Variants in FIGN observed in about 807,000 individuals in gnomAD.
The protein encoded by FIGN is fidgetin.
In FIGN, 11 loss-of-function variants were observed where a neutral mutation model predicts 51.3. The ratio of observed to expected loss-of-function variants is 0.21; its 90% CI spans 0.13 to 0.35. The LOEUF is 0.35. FIGN is among the 10% of genes least tolerant of loss of function. The probability of loss-of-function intolerance (pLI) is 1.00; values close to 1 mark genes in which losing one functional copy is unlikely to be tolerated. For synonymous variants in FIGN, 407 were observed against 363.2 expected, an observed-to-expected ratio of 1.12 and a Z score of -1.37; for missense variants, 857 against 943.6, an observed-to-expected ratio of 0.91 and a Z score of 1.20.
intron 2 of FIGN, among the ~76,000 whole-genome samples, chr2:163,683,234 G>A (rs1253542514): frequency 1.3e-5 from 2 of 152,034 alleles, no homozygotes; most frequent in Non-Finnish European, 2.9e-5. Flanking sequence ...TCTTCTACTC[G>A]TAAAGTGTTG....
In FIGN at chr2:163,611,021, G is replaced by C; in HGVS notation, c.811C>G (p.Pro271Ala). The change falls in exon 3 of 3, where the codon CCT becomes GCT. Residue 271 changes from proline to alanine, a missense_variant. Transcript: ENST00000333129. ...GYSPGGAPPPPSAYLPSGIPA... is the reference protein window; with the variant it reads ...GYSPGGAPPPASAYLPSGIPA... ...ATTCCTGAAGGCAGGTACGCTGAAG[G>C]CGGAGGCGGTGCCCCCCCAGGGCTG... is the stretch of plus-strand genomic sequence containing the variant. The C allele has an allele frequency of 6.2e-7, 1 of 1,613,872 alleles. No individual in the cohort carries two copies. Among genetic ancestry groups the C allele is most frequent in the Non-Finnish European group, 8.5e-7 (1 of 1,180,014 alleles).
chr2:163,714,262 G>A (rs1194017552), intron 2 of FIGN, among the ~76,000 whole-genome samples: 17 of 152,154 alleles, frequency 1.1e-4, no homozygotes, highest in Admixed American at 1.1e-3. Context: ...CCACATAACT[G>A]TTTTGGGCCA....
At chr2:163,653,824 A>T (rs538158058) in intron 2 of FIGN, among the ~76,000 whole-genome samples, 78 of 152,208 alleles carry the variant, frequency 5.1e-4, no homozygotes, top group Non-Finnish European at 8.4e-4. Context: ...GACTTTTTTT[A>T]AAAAACTTTT....
At position 163,611,847 on chromosome 2, in the gene FIGN, G is replaced by A. The variant is rs748560584; in HGVS notation, c.26-41C>T. 3.9e-6 allele frequency: 6 copies of A among 1,538,978 alleles called. No homozygotes were observed. The Admixed American group carries it at 5.8e-5, about 15-fold the overall frequency. On this transcript the variant is annotated intron_variant, in intron 2 of 2. Coordinates refer to ENST00000333129, the MANE Select transcript of FIGN (RefSeq NM_018086.4). ...GGAAAAGAGTTAATTTACTTAAATAGGCATCAGAACTCTTAAAGCTTTTCC... is the reference window on the plus strand; with the variant it reads ...GGAAAAGAGTTAATTTACTTAAATAAGCATCAGAACTCTTAAAGCTTTTCC...
chr2:163,626,473 T>C (rs560821763), intron 2 of FIGN, among the ~76,000 whole-genome samples: 1 of 152,330 alleles, frequency 6.6e-6, no homozygotes, highest in East Asian at 1.9e-4. Flanking sequence ...AGAGAATGTA[T>C]GCTTTCTATG....
At chr2:163,700,950 C>T (rs10497240) in intron 2 of FIGN, among the ~76,000 whole-genome samples, 13,127 of 152,170 alleles carry the variant, frequency 0.086, 681 homozygotes, top group Admixed American at 0.11. Context: ...ATTTCTGGAA[C>T]ACACTAGATG....
chr2:163,731,710 T>G (rs1282807390), intron 2 of FIGN, among the ~76,000 whole-genome samples: 2 of 146,958 alleles, frequency 1.4e-5, no homozygotes, highest in East Asian at 2.0e-4. Context: ...ATACTCTATT[T>G]TCAGAAAAAA....
intron 2 of FIGN, among the ~76,000 whole-genome samples, chr2:163,658,405 C>G (rs969115920): frequency 6.3e-5 from 8 of 127,662 alleles, no homozygotes; most frequent in Admixed American, 5.8e-4. Context: ...CTCTCTCTCT[C>G]TCTCGGTCTT....
intron 2 of FIGN, among the ~76,000 whole-genome samples, chr2:163,633,118 A>T (rs1310207359): frequency 1.3e-5 from 2 of 152,142 alleles, no homozygotes; most frequent in African/African-American, 4.8e-5. Context: ...TGGGAACTGG[A>T]GGCCGCAGTG....
intron 2 of FIGN, among the ~76,000 whole-genome samples, chr2:163,626,824 TA>T: frequency 6.6e-6 from 1 of 152,150 alleles, no homozygotes; most frequent in Non-Finnish European, 1.5e-5. Context: ...CCAAACCCAC[TA>T]AAACCGAGAT....
chr2:163,725,127 T>TA (rs1238633947), intron 2 of FIGN, among the ~76,000 whole-genome samples: 2 of 152,148 alleles, frequency 1.3e-5, no homozygotes, highest in African/African-American at 2.4e-5. Context: ...ATATAAACCC[T>TA]AATATTATCC....
rs1311201464 is a variant in FIGN, at chr2:163,607,412, GTAAAT to G, written c.*2135_*2139del. The G allele has an allele frequency of 6.6e-6, 1 of 152,172 alleles. No homozygotes were observed. Among genetic ancestry groups the G allele is most frequent in the African/African-American group, 2.4e-5 (1 of 41,394 alleles). The allele number at this position is 152,172 out of a possible 1,614,324, so 9.4% of individuals were successfully genotyped here. A position where few individuals can be genotyped will look rare whatever the true frequency, so the allele number is the denominator to read the frequency against. ...CAGCTTTAATTGACAGAATGTCACA[GTAAAT>G]TAAATTCTGGTTCAATTGCTCAGTT... On this transcript the variant is annotated 3_prime_UTR_variant, in exon 3 of 3. Coordinates refer to ENST00000333129, the MANE Select transcript of FIGN (RefSeq NM_018086.4).
At chr2:163,650,552 C>G (rs1442620637) in intron 2 of FIGN, among the ~76,000 whole-genome samples, 1 of 152,074 alleles carries the variant, frequency 6.6e-6, no homozygotes, top group South Asian at 2.1e-4. Context: ...GCCCCCAACC[C>G]CCAACAGGCC....
intron 2 of FIGN, among the ~76,000 whole-genome samples, chr2:163,720,884 T>C (rs754514970): frequency 2.6e-5 from 4 of 152,150 alleles, no homozygotes; most frequent in Non-Finnish European, 4.4e-5. Context: ...AAAGGACAAA[T>C]ATAGTTTCAT....
intron 2 of FIGN, among the ~76,000 whole-genome samples, chr2:163,671,340 A>G (rs1163008713): frequency 6.6e-6 from 1 of 152,232 alleles, no homozygotes; most frequent in Non-Finnish European, 1.5e-5. Context: ...GAAGTTGAAG[A>G]GATCATGCAG....
intron 2 of FIGN, among the ~76,000 whole-genome samples, chr2:163,725,998 A>G (rs1048052843): frequency 6.6e-6 from 1 of 152,134 alleles, no homozygotes; most frequent in African/African-American, 2.4e-5. Flanking sequence ...GAGTAAATTG[A>G]TATCGATGAT....
At chr2:163,733,942 CAAAAAA>C (rs36027114) in intron 2 of FIGN, among the ~76,000 whole-genome samples, 2 of 100,156 alleles carry the variant, frequency 2.0e-5, no homozygotes, top group South Asian at 3.5e-4. Flanking sequence ...TAGCAACAAC[CAAAAAA>C]AAAAAAAAAA....
At chr2:163,699,261 G>A (rs1559025150) in intron 2 of FIGN, among the ~76,000 whole-genome samples, 1 of 152,120 alleles carries the variant, frequency 6.6e-6, no homozygotes. Context: ...TTTATCAGAT[G>A]TTTTTAGTTC....
chr2:163,610,874 C>T lies in FIGN; in HGVS notation c.958G>A (p.Ala320Thr), dbSNP rs201797837. The change falls in exon 3 of 3, where the codon GCT becomes ACT. Residue 320 changes from alanine to threonine, a missense_variant. By Grantham distance (58) the Ala-to-Thr change is moderately conservative. Coordinates refer to ENST00000333129, the MANE Select transcript of FIGN (RefSeq NM_018086.4). ...NSSASSLKRK[A>T]FYMAGQGDMD... is the part of the protein sequence containing the mutation. ...TCTCCTTGCCCTGCCATGTAGAAAG[C>T]TTTCCTTTTGAGAGAACTTGCTGAA... 2.3e-5 allele frequency: 37 copies of T among 1,613,070 alleles called. No individual in the cohort carries two copies. The highest frequency in any genetic ancestry group is 3.1e-5 in the Non-Finnish European group (36 of 1,179,920).
Sources: allele counts gnomAD v4.1 joint callset (sites outside exome capture counted in the v4.1 genomes callset), GRCh38; gene constraint gnomAD v4.1.1; transcripts MANE v1.5; gene names NCBI Gene and HGNC (gene_info 2026-07-23, HGNC 2026-07-21).